NBEA: variants seen among roughly 807,000 people sequenced by gnomAD.
NBEA encodes the protein lysosomal-trafficking regulator 2.
Under a neutral mutation model 343.4 loss-of-function variants are expected in NBEA, and 44 were observed. The ratio of observed to expected loss-of-function variants is 0.13; its 90% CI spans 0.10 to 0.16. The LOEUF (loss-of-function observed/expected upper bound fraction) is 0.16. NBEA is among the 10% of genes least tolerant of loss of function. NBEA has a pLI of 1.00. For synonymous variants in NBEA, 1,175 were observed against 1,238.7 expected (o/e 0.95, Z 1.08); for missense variants, 2,555 against 3,631.3 (o/e 0.70, Z 7.62).
rs765051139 is a variant in NBEA at position 35,667,493 on chromosome 13, T to C, written c.8584T>C (p.Tyr2862His). ...CAGCGAAGGCCACTGTATCATATAC[T>C]ATGAACGAGGGCGATTCAGTAATTT... Reference protein sequence around the residue: ...VSSEGHCIIYYERGRFSNFSI... With the variant: ...VSSEGHCIIYHERGRFSNFSI... The change falls in exon 57 of 59, where the codon TAT becomes CAT. Residue 2862 changes from tyrosine (Y) to histidine (H), a missense_variant. Transcript: ENST00000379939. 2 of 1,614,018 alleles carry C rather than the reference T, an allele frequency of 1.2e-6. No individual in the cohort carries two copies. The highest frequency in any genetic ancestry group is 2.2e-5 in the South Asian group (2 of 91,082).
At chr13:35,479,539 A>C (rs1474861753) in intron 41 of NBEA, among the ~76,000 whole-genome samples, 1 of 152,170 alleles carries the variant, frequency 6.6e-6, no homozygotes, top group African/African-American at 2.4e-5. Flanking sequence ...ATTTTTGTGC[A>C]GTTCAGCCGA....
intron 34 of NBEA, among the ~76,000 whole-genome samples, chr13:35,246,926 G>T (rs956025472): frequency 6.6e-6 from 1 of 152,120 alleles, no homozygotes; most frequent in Non-Finnish European, 1.5e-5. Context: ...GCAGGGTTAG[G>T]CATTTCTGAG....
intron 33 of NBEA, among the ~76,000 whole-genome samples, chr13:35,227,604 T>C (rs2074725762): frequency 6.6e-6 from 1 of 152,062 alleles, no homozygotes; most frequent in African/African-American, 2.4e-5. Context: ...CTTTTTGTTC[T>C]ATGTTTTCTT....
At chr13:35,108,532 A>G (rs889682724) in intron 11 of NBEA, among the ~76,000 whole-genome samples, 1 of 152,068 alleles carries the variant, frequency 6.6e-6, no homozygotes, top group African/African-American at 2.4e-5. Flanking sequence ...ATATTATTTC[A>G]ACATCTATTC....
chr13:35,058,592 T>C, intron 7 of NBEA, 125 bp from the exon 8 acceptor site: 3 of 775,204 alleles, frequency 3.9e-6, no homozygotes, highest in Non-Finnish European at 6.1e-6. Flanking sequence ...AAAGTCTTAA[T>C]TGATGCTTTC....
At chr13:35,588,577 C>A (rs567603085) in intron 46 of NBEA, among the ~76,000 whole-genome samples, 1 of 152,198 alleles carries the variant, frequency 6.6e-6, no homozygotes, top group Admixed American at 6.5e-5. Flanking sequence ...TTATTTTAAA[C>A]AAACTACCAG....
chr13:35,482,422 A>AT (rs1314065866), intron 41 of NBEA, among the ~76,000 whole-genome samples: 1 of 151,454 alleles, frequency 6.6e-6, no homozygotes, highest in Non-Finnish European at 1.5e-5. Flanking sequence ...AATAATATAC[A>AT]TTTTAGTACA....
intron 39 of NBEA, among the ~76,000 whole-genome samples, chr13:35,440,682 C>T (rs2045692613): frequency 6.6e-6 from 1 of 152,082 alleles, no homozygotes; most frequent in South Asian, 2.1e-4. Context: ...AGTTGTGGCC[C>T]TGCTGTGAAG....
chr13:35,476,898 G>T (rs756323565), intron 41 of NBEA: 41 of 767,828 alleles, frequency 5.3e-5, no homozygotes, highest in Non-Finnish European at 6.6e-5. Flanking sequence ...GAAATCAAGA[G>T]GAATCTCTCA....
At chr13:35,040,315 G>A (rs2062603352) in intron 1 of NBEA, among the ~76,000 whole-genome samples, 2 of 151,898 alleles carry the variant, frequency 1.3e-5, no homozygotes, top group South Asian at 4.1e-4. Flanking sequence ...TTGCCATAAT[G>A]CTGAAGTTAA....
rs1262899186 is a variant in NBEA, at chr13:35,309,440, A to G, written c.5839-88A>G. 6 of 680,856 alleles carry G rather than the reference A, an allele frequency of 8.8e-6. No individual in the cohort carries two copies. The Admixed American group carries it at 1.6e-4, about 18-fold the overall frequency. The allele number at this position is 680,856 out of a possible 1,614,324, so 42.2% of individuals were successfully genotyped here. On this transcript the variant is annotated intron_variant, in intron 35 of 58. Coordinates refer to ENST00000379939, the MANE Select transcript of NBEA (RefSeq NM_001385012.1). ...TTGGAAATAATATAATGTGGAAGTT[A>G]TTAACAATATCAACATGATCCTTAA...
chr13:35,317,896 CTGTT>C (rs1211409840), intron 36 of NBEA, among the ~76,000 whole-genome samples: 5 of 152,088 alleles, frequency 3.3e-5, no homozygotes, highest in East Asian at 1.9e-4. Context: ...ATTTGGCTCT[CTGTT>C]TGTCTATTAC....
intron 43 of NBEA, among the ~76,000 whole-genome samples, chr13:35,551,954 C>T (rs2079348582): frequency 6.6e-6 from 1 of 152,156 alleles, no homozygotes; most frequent in Admixed American, 6.6e-5. Context: ...CAATCACTGC[C>T]AAAAAGGTGT....
At position 35,232,638 on chromosome 13, in the gene NBEA, A is replaced by T. The variant is rs2075035940; in HGVS notation, c.5776+19A>T. On this transcript the variant is annotated intron_variant, in intron 34 of 58. Transcript: ENST00000379939. ...ATAGAAGGTATGATTTCTCTATTAT[A>T]ATTATTTTAGTTTCCTATAATGTAT... The T allele has an allele frequency of 1.4e-6, 2 of 1,444,890 alleles. No homozygotes were observed. The highest frequency in any genetic ancestry group is 5.2e-5 in the Admixed American group (2 of 38,648). 89.5% of individuals were successfully genotyped at this position (1,444,890 alleles called of 1,614,324 possible).
At chr13:35,217,408 A>G (rs2074124034) in intron 33 of NBEA, among the ~76,000 whole-genome samples, 1 of 151,722 alleles carries the variant, frequency 6.6e-6, no homozygotes, top group Admixed American at 6.6e-5. Context: ...TTTTATAGTT[A>G]AGCTTTTGGT....
In NBEA at chr13:35,452,009, T is replaced by C. The variant is rs76493962; in HGVS notation, c.6305-83T>C. ...TATGTAAATGCAGCATATAATTTAA[T>C]AAAGCAATCAATTATTTATAATACC... On this transcript the variant is annotated intron_variant, in intron 39 of 58. Transcript: ENST00000379939. 6,066 of 947,694 alleles carry C rather than the reference T, an allele frequency of 6.4e-3. 292 individuals are homozygous for C. In the African/African-American group the frequency reaches 0.091, roughly 14 times the overall value. The allele number at this position is 947,694 out of a possible 1,614,324, so 58.7% of individuals were successfully genotyped here.
At chr13:35,413,683 A>G (rs1236995992) in intron 38 of NBEA, among the ~76,000 whole-genome samples, 1 of 152,170 alleles carries the variant, frequency 6.6e-6, no homozygotes, top group Admixed American at 6.6e-5. Context: ...AATATTAATT[A>G]TCATAATACA....
intron 38 of NBEA, among the ~76,000 whole-genome samples, chr13:35,386,175 T>G (rs2042234958): frequency 1.3e-5 from 2 of 152,174 alleles, no homozygotes; most frequent in Non-Finnish European, 2.9e-5. Flanking sequence ...TAACTGTTTA[T>G]TTTCTCTAGA....
At chr13:34,958,937 A>G (rs2059578286) in intron 1 of NBEA, among the ~76,000 whole-genome samples, 1 of 152,112 alleles carries the variant, frequency 6.6e-6, no homozygotes, top group Non-Finnish European at 1.5e-5. Context: ...CAGCACTATT[A>G]TGTCAAACCT....
Sources: allele counts gnomAD v4.1 joint callset (sites outside exome capture counted in the v4.1 genomes callset), GRCh38; gene constraint gnomAD v4.1.1; transcripts MANE v1.5; gene names NCBI Gene and HGNC (gene_info 2026-07-23, HGNC 2026-07-21).